Variants in PEX5 observed in about 807,000 individuals in gnomAD.
The protein encoded by PEX5 is PTS1 receptor.
A neutral mutation model predicts 82.9 loss-of-function variants in PEX5; 52 were observed. The observed-to-expected ratio is 0.63, with a 90% CI of 0.50 to 0.79. The LOEUF (loss-of-function observed/expected upper bound fraction) is 0.79. Among genes scored for constraint, PEX5 ranks in the 30% least tolerant of loss-of-function variants. PEX5 has a pLI of 0.00. For synonymous variants in PEX5, 300 were observed against 318.8 expected (o/e 0.94, Z 0.63); for missense variants, 719 against 815.2 (o/e 0.88, Z 1.44).
intron 4 of PEX5, 65 bp downstream of exon 4, chr12:7,191,423 T>G (rs1251907535): frequency 6.2e-7 from 1 of 1,608,730 alleles, no homozygotes; most frequent in African/African-American, 1.3e-5. Flanking sequence ...GGAAGGGGGT[T>G]CCATTGGATG....
At position 7,210,520 on chromosome 12, in the gene PEX5, G is replaced by A. The variant is rs1805626849; in HGVS notation, c.*297G>A. Reference sequence around the variant, plus strand: ...TGCTGCTTTTTGGGTAGGACCCCACGATTTAGGGTAACTGTTATCATCAGC... The same window carrying A: ...TGCTGCTTTTTGGGTAGGACCCCACAATTTAGGGTAACTGTTATCATCAGC... On this transcript the variant is annotated 3_prime_UTR_variant, in exon 16 of 16. Coordinates refer to ENST00000675855, the MANE Select transcript of PEX5 (RefSeq NM_001351132.2). 6 of 513,972 alleles carry A rather than the reference G, an allele frequency of 1.2e-5. No individual in the cohort carries two copies. The highest frequency in any genetic ancestry group is 4.0e-5 in the South Asian group (2 of 49,454). 31.8% of individuals were successfully genotyped at this position (513,972 alleles called of 1,614,324 possible).
intron 9 of PEX5, 78 bp from the exon 10 acceptor site, chr12:7,203,354 G>A: frequency 6.7e-7 from 1 of 1,491,216 alleles, no homozygotes; most frequent in African/African-American, 1.4e-5. Context: ...CTGCCTTAGA[G>A]AATCCCAGCA....
intron 5 of PEX5, among the ~76,000 whole-genome samples, chr12:7,197,416 AATT>A (rs1401727564): frequency 6.6e-5 from 4 of 60,442 alleles, no homozygotes; most frequent in African/African-American, 8.6e-5. Flanking sequence ...TATACAATGT[AATT>A]ATATGTCATA....
chr12:7,207,690 G>A lies in PEX5; in HGVS notation c.998G>A (p.Arg333His), dbSNP rs59209175. Residue 333 changes from arginine (R) to histidine (H), a missense_variant, in exon 11 of 16, where the codon CGT becomes CAT. Coordinates refer to ENST00000675855, the MANE Select transcript of PEX5 (RefSeq NM_001351132.2). ...GYQFEEENPL[R>H]DHPQPFEEGL... ...CAGTTTGAGGAGGAGAACCCCTTGC[G>A]TGATCACCCTCAGCCTTTTGAAGAA... The A allele has an allele frequency of 1.4e-3, 2,214 of 1,614,092 alleles. 24 individuals are homozygous for A. In the African/African-American group the frequency reaches 0.026, roughly 19 times the overall value.
chr12:7,208,616 TG>T lies in PEX5; in HGVS notation c.1343del (p.Gly448ValfsTer24). 1 of 1,614,138 alleles carries T rather than the reference TG, an allele frequency of 6.2e-7. No homozygotes were observed. Among genetic ancestry groups the T allele is most frequent in the East Asian group, 2.2e-5 (1 of 44,886 alleles). ...HLVTPAEEGA[G>X]GAGLGPSKRI... ...TGGTGACACCTGCTGAAGAAGGGGC[TG>T]GTGGGGCAGGACTGGGCCCCAGCAA... On this transcript the variant is annotated frameshift_variant, in exon 13 of 16. Transcript: ENST00000675855. LOFTEE classifies it high-confidence loss of function.
chr12:7,204,916 G>A (rs1326955257), intron 10 of PEX5, among the ~76,000 whole-genome samples: 2 of 151,770 alleles, frequency 1.3e-5, no homozygotes, highest in Non-Finnish European at 2.9e-5. Context: ...TCCAAGAATA[G>A]AAATGTGGAA....
intron 5 of PEX5, among the ~76,000 whole-genome samples, chr12:7,197,517 TTATATGTTATATATAATG>T (rs1942956237): frequency 1.1e-5 from 1 of 91,048 alleles, no homozygotes; most frequent in South Asian, 4.9e-4. Flanking sequence ...AATGTAATAA[TTATATGTTATATATAATG>T]TAATTATATA....
intron 6 of PEX5, among the ~76,000 whole-genome samples, chr12:7,200,216 C>T (rs1471945886): frequency 4.3e-5 from 5 of 115,208 alleles, no homozygotes; most frequent in African/African-American, 6.7e-5. Flanking sequence ...CAGACGGGGT[C>T]GCGGCCAGGC....
downstream of PEX5, among the ~76,000 whole-genome samples, chr12:7,213,884 AAAAC>A (rs1224731324): frequency 6.6e-5 from 10 of 150,590 alleles, no homozygotes; most frequent in African/African-American, 2.4e-4. Flanking sequence ...TTACAAGAAA[AAAAC>A]AACCCCATCA....
Position 7,190,940 on chromosome 12 carries a change from C to CAT in PEX5, c.183+17_183+18insAT. On this transcript the variant is annotated intron_variant, in intron 3 of 15. Transcript: ENST00000675855. ...GAAGATGAGGTAAATAGACCAGTCT[C>CAT]TTTTCTGTCCCATTTTTCTCTTGCC... is the stretch of plus-strand genomic sequence containing the variant. 6.2e-7 allele frequency: 1 copy of CAT among 1,608,600 alleles called. No individual in the cohort carries two copies. The highest frequency in any genetic ancestry group is 8.5e-7 in the Non-Finnish European group (1 of 1,175,048).
chr12:7,216,840 A>T (rs139641766), intron 17 of PEX5, among the ~76,000 whole-genome samples: 11 of 152,312 alleles, frequency 7.2e-5, no homozygotes, highest in African/African-American at 1.9e-4. Context: ...AAGTCATTAA[A>T]CCAAAGTAAG....
At position 7,199,130 on chromosome 12, in the gene PEX5, C is replaced by G; in HGVS notation, c.551+17C>G. Reference sequence around the variant, plus strand: ...CGATCGCTGGTGAGTTCAGATACCTCTTTCCGAATCCCGTGAAAGGAGTAT... The same window carrying G: ...CGATCGCTGGTGAGTTCAGATACCTGTTTCCGAATCCCGTGAAAGGAGTAT... On this transcript the variant is annotated intron_variant, in intron 6 of 15. Transcript: ENST00000675855. The G allele has an allele frequency of 7.0e-7, 1 of 1,421,428 alleles. No homozygotes were observed. Among genetic ancestry groups the G allele is most frequent in the Non-Finnish European group, 9.8e-7 (1 of 1,019,430 alleles). 88.1% of individuals were successfully genotyped at this position (1,421,428 alleles called of 1,614,324 possible).
Position 7,207,570 on chromosome 12 carries a change from G to C in PEX5, c.967-89G>C. Reference sequence around the variant, plus strand: ...TCCGGAACCTGTTTGGAGGCCCTCAGCTTCTCTGCCTGCTGGTTGTCATCC... The same window carrying C: ...TCCGGAACCTGTTTGGAGGCCCTCACCTTCTCTGCCTGCTGGTTGTCATCC... On this transcript the variant is annotated intron_variant, in intron 10 of 15. Transcript: ENST00000675855. 4.4e-6 allele frequency: 6 copies of C among 1,361,494 alleles called. No homozygotes were observed. In the South Asian group the frequency reaches 7.0e-5, roughly 16 times the overall value. The allele number at this position is 1,361,494 out of a possible 1,614,324, so 84.3% of individuals were successfully genotyped here. A position where few individuals can be genotyped will look rare whatever the true frequency, so the allele number is the denominator to read the frequency against.
At chr12:7,197,947 A>C (rs1375292091) in intron 5 of PEX5, among the ~76,000 whole-genome samples, 3 of 152,086 alleles carry the variant, frequency 2.0e-5, no homozygotes, top group Admixed American at 6.6e-5. Flanking sequence ...CTAACTAGTA[A>C]GATTAGTTCT....
rs901038163 is a variant in PEX5 at position 7,196,427 on chromosome 12, A to G, written c.449-2584A>G. 3.6e-5 allele frequency among the ~76,000 whole-genome samples: 5 copies of G among 140,216 alleles called. No individual in the cohort carries two copies. In the East Asian group the frequency reaches 1.0e-3, roughly 29 times the overall value. The allele number at this position is 140,216 out of a possible 152,430, so 92.0% of individuals were successfully genotyped here. A position where few individuals can be genotyped will look rare whatever the true frequency, so the allele number is the denominator to read the frequency against. On this transcript the variant is annotated intron_variant, in intron 5 of 15. Transcript: ENST00000675855. ...GTGTCATATATAATGTAATAATTAT[A>G]TGTGCCATATATAATGTAATAATTA...
intron 11 of PEX5, 25 bp downstream of exon 11, chr12:7,207,827 C>T: frequency 6.2e-7 from 1 of 1,613,198 alleles, no homozygotes; most frequent in Non-Finnish European, 8.5e-7. Flanking sequence ...AGTCTCATTT[C>T]TGGCTAGAGA....
upstream of PEX5, chr12:7,189,614 G>A: frequency 6.8e-6 from 2 of 292,056 alleles, no homozygotes; most frequent in Non-Finnish European, 1.3e-5. Context: ...GACAGCTTCC[G>A]CTGGGCCTGG....
chr12:7,190,973 T>A, intron 3 of PEX5, 50 bp downstream of exon 3: 1 of 1,545,386 alleles, frequency 6.5e-7, no homozygotes, highest in Admixed American at 1.7e-5. Context: ...GCCCACTGTG[T>A]TTTTACCTTT....
intron 5 of PEX5, among the ~76,000 whole-genome samples, chr12:7,196,309 AATTT>A (rs1277034959): frequency 3.9e-4 from 29 of 75,142 alleles, no homozygotes; most frequent in Non-Finnish European, 7.1e-4. Context: ...TGTCATATAT[AATTT>A]AATTATATAT....
Sources: allele counts gnomAD v4.1 joint callset (sites outside exome capture counted in the v4.1 genomes callset), GRCh38; gene constraint gnomAD v4.1.1; transcripts MANE v1.5; gene names NCBI Gene and HGNC (gene_info 2026-07-23, HGNC 2026-07-21).